The following SOX6 variants were observed in gnomAD, a reference collection of about 807,000 sequenced individuals.
The protein encoded by SOX6 is transcription factor SOX-6.
SOX6 carries 11 observed loss-of-function variants against 97.8 expected under a neutral mutation model. That is an observed-to-expected ratio of 0.11 (90% CI 0.07 to 0.19). SOX6 has a LOEUF of 0.19. Ranked by LOEUF, SOX6 falls within the 10% of genes least tolerant of loss-of-function variation. The pLI, the probability that SOX6 is intolerant of heterozygous loss-of-function variation, is 1.00. For missense variants in SOX6, 810 were observed against 1,039.5 expected, an observed-to-expected ratio of 0.78 and a Z score of 3.04; for synonymous variants, 360 against 371.4, an observed-to-expected ratio of 0.97 and a Z score of 0.35.
chr11:16,094,031 G>A (rs1590192131), intron 9 of SOX6, among the ~76,000 whole-genome samples: 1 of 151,880 alleles, frequency 6.6e-6, no homozygotes, highest in Non-Finnish European at 1.5e-5. Flanking sequence ...CAGGAAAAAG[G>A]TGCAAAAATA....
At chr11:16,264,061 T>G (rs1404582095) in intron 3 of SOX6, among the ~76,000 whole-genome samples, 1 of 151,956 alleles carries the variant, frequency 6.6e-6, no homozygotes, top group Non-Finnish European at 1.5e-5. Context: ...TTTGGGTTCT[T>G]CATTCATGTT....
At chr11:16,565,171 A>G (rs907807710) in intron 4 of SOX6, among the ~76,000 whole-genome samples, 37 of 152,206 alleles carry the variant, frequency 2.4e-4, no homozygotes, top group African/African-American at 8.9e-4. Context: ...GAATACTAGC[A>G]GTAACTCTAC....
chr11:16,160,653 C>A (rs1850724810), intron 6 of SOX6, among the ~76,000 whole-genome samples: 1 of 152,084 alleles, frequency 6.6e-6, no homozygotes, highest in Non-Finnish European at 1.5e-5. Context: ...AATACACTGT[C>A]AGAAATTATG....
chr11:16,200,280 T>C (rs1456356866), intron 4 of SOX6, among the ~76,000 whole-genome samples: 1 of 152,210 alleles, frequency 6.6e-6, no homozygotes, highest in Non-Finnish European at 1.5e-5. Context: ...CTGTATTTTG[T>C]ACACCCTTAC....
At chr11:16,257,599 A>C in intron 3 of SOX6, among the ~76,000 whole-genome samples, 1 of 151,920 alleles carries the variant, frequency 6.6e-6, no homozygotes. Flanking sequence ...AAAACTAAAA[A>C]ATTTCTAGAG....
Position 16,132,433 on chromosome 11 carries a change from GAAAGAAAGAAA to G in SOX6, c.778-20521_778-20511del, listed in dbSNP as rs748281796. ...AGAAAGAAAGAAAGAAAGAAAGAAAGAAAGAAAGAAAAAAGAAAGAAAGAAAGAAAGAAAGA... is the reference window on the plus strand; with the variant it reads ...AGAAAGAAAGAAAGAAAGAAAGAAAGAAAGAAAGAAAGAAAGAAAGAAAGA... On this transcript the variant is annotated intron_variant, in intron 6 of 15. Transcript: ENST00000683767. 3.6e-3 allele frequency among the ~76,000 whole-genome samples: 289 copies of G among 80,626 alleles called. 9 individuals are homozygous for G. The highest frequency in any genetic ancestry group is 0.012 in the African/African-American group (214 of 17,774). 52.9% of individuals were successfully genotyped at this position (80,626 alleles called of 152,430 possible). A position where few individuals can be genotyped will look rare whatever the true frequency, so the allele number is the denominator to read the frequency against.
chr11:16,345,878 A>C (rs182877390), intron 1 of SOX6, among the ~76,000 whole-genome samples: 70 of 152,150 alleles, frequency 4.6e-4, no homozygotes, highest in African/African-American at 1.6e-3. Flanking sequence ...TCCATCTTTC[A>C]AAACTGTCAT....
chr11:16,554,059 A>C (rs1847721497), intron 4 of SOX6, among the ~76,000 whole-genome samples: 1 of 152,126 alleles, frequency 6.6e-6, no homozygotes, highest in Admixed American at 6.6e-5. Flanking sequence ...ATAGGGACCT[A>C]TAGTTTCAAA....
rs1211064165 is a variant in SOX6 at position 16,246,142 on chromosome 11, T to C, written c.446-11471A>G. Reference sequence around the variant, plus strand: ...TTAACTTACAACAGTCTACCTTCAATAATATACCATTTCAAATACAATGTA... The same window carrying C: ...TTAACTTACAACAGTCTACCTTCAACAATATACCATTTCAAATACAATGTA... On this transcript the variant is annotated intron_variant, in intron 3 of 15. Coordinates refer to ENST00000683767, the MANE Select transcript of SOX6 (RefSeq NM_001367873.1). Among the ~76,000 whole-genome samples the C allele has an allele frequency of 7.9e-5, 12 of 151,562 alleles. No homozygotes were observed. In the East Asian group the frequency reaches 2.3e-3, roughly 29 times the overall value.
At chr11:16,589,271 T>C (rs974724456) in intron 4 of SOX6, among the ~76,000 whole-genome samples, 1 of 152,196 alleles carries the variant, frequency 6.6e-6, no homozygotes, top group Non-Finnish European at 1.5e-5. Flanking sequence ...AGGAGTATAC[T>C]ACATAAATAT....
chr11:16,700,505 T>C (rs1404794280), intron 3 of SOX6, among the ~76,000 whole-genome samples: 2 of 152,202 alleles, frequency 1.3e-5, no homozygotes, highest in Admixed American at 6.5e-5. Context: ...CATTCTCCAC[T>C]TTGAGCCCTG....
chr11:16,167,425 T>C (rs549611029), intron 6 of SOX6, among the ~76,000 whole-genome samples: 38 of 152,286 alleles, frequency 2.5e-4, no homozygotes, highest in Non-Finnish European at 4.6e-4. Context: ...TTTCGTCTAA[T>C]TGCAACACAG....
intron 1 of SOX6, among the ~76,000 whole-genome samples, chr11:16,428,800 G>T (rs1290979935): frequency 6.6e-6 from 1 of 152,160 alleles, no homozygotes; most frequent in Non-Finnish European, 1.5e-5. Flanking sequence ...GATTGACTTG[G>T]AAATGCAGGC....
At position 16,721,616 on chromosome 11, in the gene SOX6, TCC is replaced by T. The variant is rs1297078653; in HGVS notation, n.354-6713_354-6712del. On this transcript the variant is annotated intron_variant and non_coding_transcript_variant, in intron 2 of 5. Transcript: ENST00000524520. ...TCTCTCTCTTCCCTCCCTCCCTCCC[TCC>T]CTCTCTCTCTCTCTCTCTCTCTCTC... Among the ~76,000 whole-genome samples the T allele has an allele frequency of 1.4e-3, 64 of 47,118 alleles. 6 individuals are homozygous for T. The highest frequency in any genetic ancestry group is 4.1e-3 in the African/African-American group (45 of 10,980). The allele number at this position is 47,118 out of a possible 152,430, so 30.9% of individuals were successfully genotyped here.
rs971467295 is a variant in SOX6, at chr11:16,613,682, G to A, written n.430-1422C>T. ...ACGCGCGTATTCTGAAATTCTGGCCGAACTCCTCATCTAAACGGAAGTCCC... is the reference window on the plus strand; with the variant it reads ...ACGCGCGTATTCTGAAATTCTGGCCAAACTCCTCATCTAAACGGAAGTCCC... On this transcript the variant is annotated intron_variant and non_coding_transcript_variant, in intron 3 of 5. Transcript: ENST00000524520. The surrounding 1 kb of genome is among the most constrained non-coding windows in gnomAD (Gnocchi z 4.6). 6.6e-6 allele frequency among the ~76,000 whole-genome samples: 1 copy of A among 152,070 alleles called. No individual in the cohort carries two copies. The highest frequency in any genetic ancestry group is 1.5e-5 in the Non-Finnish European group (1 of 68,012).
intron 2 of SOX6, among the ~76,000 whole-genome samples, chr11:16,320,530 C>A (rs941695893): frequency 6.6e-6 from 1 of 152,024 alleles, no homozygotes; most frequent in Non-Finnish European, 1.5e-5. Context: ...TTGTAAGGCA[C>A]CACGGCATAG....
intron 14 of SOX6, among the ~76,000 whole-genome samples, chr11:15,987,841 A>G (rs918803529): frequency 2.6e-5 from 4 of 152,130 alleles, no homozygotes; most frequent in Non-Finnish European, 2.9e-5. Flanking sequence ...AATTGTAATG[A>G]CATTTAGTAT....
intron 3 of SOX6, among the ~76,000 whole-genome samples, chr11:16,305,947 T>C (rs928337954): frequency 1.3e-5 from 2 of 152,168 alleles, no homozygotes; most frequent in African/African-American, 2.4e-5. Flanking sequence ...TGAGGGATGC[T>C]GGCATTGAAG....
At chr11:16,032,666 T>C (rs1855409155) in intron 12 of SOX6, among the ~76,000 whole-genome samples, 1 of 152,018 alleles carries the variant, frequency 6.6e-6, no homozygotes, top group Non-Finnish European at 1.5e-5. Flanking sequence ...CATACAACCA[T>C]ACATACAGCC....
Sources: gnomAD v4.1 joint callset for allele counts (sites outside exome capture counted in the v4.1 genomes callset) on GRCh38, gnomAD v4.1.1 for gene constraint, Gnocchi (gnomAD v3.1) non-coding constraint, MANE v1.5 for transcripts, NCBI Gene and HGNC (gene_info 2026-07-23, HGNC 2026-07-21) for gene names.